ATXN7L1: variants seen among roughly 807,000 people sequenced by gnomAD.
ATXN7L1 encodes the protein ataxin-7-like protein 1.
A neutral mutation model predicts 70.8 loss-of-function variants in ATXN7L1; 15 were observed. That is an observed-to-expected ratio of 0.21 (90% CI 0.14 to 0.33). The LOEUF (loss-of-function observed/expected upper bound fraction) is 0.33, where lower values mean the gene tolerates loss of function less well. Ranked by LOEUF, ATXN7L1 falls within the 10% of genes least tolerant of loss-of-function variation. ATXN7L1 has a pLI of 1.00. For missense variants in ATXN7L1, 975 were observed against 1,097.1 expected (o/e 0.89, Z 1.57); for synonymous variants, 440 against 445.1 (o/e 0.99, Z 0.14).
chr7:105,839,091 C>T (rs530209013), intron 2 of ATXN7L1, among the ~76,000 whole-genome samples: 2 of 152,346 alleles, frequency 1.3e-5, no homozygotes, highest in African/African-American at 4.8e-5. Context: ...ATCAAACTAG[C>T]CAGCAGCATC....
At chr7:105,725,557 T>C (rs933565182) in intron 3 of ATXN7L1, among the ~76,000 whole-genome samples, 1 of 151,850 alleles carries the variant, frequency 6.6e-6, no homozygotes, top group African/African-American at 2.4e-5. Flanking sequence ...AGCACATACA[T>C]TGCGAGCAAC....
Position 105,876,545 on chromosome 7 carries a change from C to T in ATXN7L1, c.14G>A (p.Arg5His), listed in dbSNP as rs1819337078. The change falls in exon 1 of 12, where the codon CGT (arginine) becomes CAT (histidine). Residue 5 changes from arginine (R) to histidine (H), a missense_variant. Arg to His is a conservative substitution (Grantham distance 29). Coordinates refer to ENST00000419735, the MANE Select transcript of ATXN7L1 (RefSeq NM_020725.2). Reference protein sequence around the residue: MTSERSRIPCLSAAA... With the variant: MTSEHSRIPCLSAAA... The stretch of plus-strand genomic sequence containing the variant: ...AGCCGAGAGACACGGGATTCGAGAA[C>T]GCTCCGACGTCATCTTCGGAACGTT... 6.4e-7 allele frequency: 1 copy of T among 1,552,424 alleles called. No homozygotes were observed. Among genetic ancestry groups the T allele is most frequent in the Non-Finnish European group, 8.8e-7 (1 of 1,140,594 alleles).
chr7:105,760,116 T>G, intron 3 of ATXN7L1: 1 of 869,696 alleles, frequency 1.1e-6, no homozygotes, highest in Non-Finnish European at 1.4e-6. Flanking sequence ...ATGCTTTCCA[T>G]ATGCCAAGTT....
intron 3 of ATXN7L1, among the ~76,000 whole-genome samples, chr7:105,681,295 G>A (rs1805519153): frequency 6.6e-6 from 1 of 152,038 alleles, no homozygotes; most frequent in Admixed American, 6.6e-5. Flanking sequence ...TGTGGTGGTG[G>A]GCACTAATGA....
chr7:105,862,242 C>A (rs879442060), intron 2 of ATXN7L1, among the ~76,000 whole-genome samples: 1 of 151,976 alleles, frequency 6.6e-6, no homozygotes, highest in Non-Finnish European at 1.5e-5. Context: ...CGAGACCAGC[C>A]TAGGCAACAT....
At chr7:105,689,283 A>G (rs1179953381) in intron 3 of ATXN7L1, among the ~76,000 whole-genome samples, 1 of 152,152 alleles carries the variant, frequency 6.6e-6, no homozygotes, top group African/African-American at 2.4e-5. Context: ...GAAGAATCAA[A>G]GTGAGGAAGG....
rs981267127 is a variant in ATXN7L1, at chr7:105,760,101, C to T, written c.355+28503G>A. On this transcript the variant is annotated intron_variant, in intron 3 of 11. Transcript: ENST00000419735. The stretch of plus-strand genomic sequence containing the variant: ...GGGAAGTCTCTCCTTTTTCTGGCTT[C>T]CATCATGCTTTCCATATGCCAAGTT... 7.6e-6 allele frequency: 6 copies of T among 786,424 alleles called. No individual in the cohort carries two copies. The African/African-American group carries it at 1.1e-4, about 15-fold the overall frequency. 48.7% of individuals were successfully genotyped at this position (786,424 alleles called of 1,614,324 possible). A position where few individuals can be genotyped will look rare whatever the true frequency, so the allele number is the denominator to read the frequency against.
At chr7:105,844,239 C>G (rs1813641370) in intron 2 of ATXN7L1, among the ~76,000 whole-genome samples, 1 of 152,176 alleles carries the variant, frequency 6.6e-6, no homozygotes, top group Admixed American at 6.5e-5. Context: ...ACAAGGAACA[C>G]TCTCCAACTC....
chr7:105,725,903 CTTTT>C (rs34850752), intron 3 of ATXN7L1, among the ~76,000 whole-genome samples: 4 of 130,718 alleles, frequency 3.1e-5, no homozygotes, highest in Admixed American at 1.5e-4. Flanking sequence ...TTCTTTCTTT[CTTTT>C]TTTTTTTTTT....
intron 2 of ATXN7L1, among the ~76,000 whole-genome samples, chr7:105,824,726 C>T (rs999634171): frequency 2.6e-5 from 4 of 151,892 alleles, no homozygotes; most frequent in Non-Finnish European, 5.9e-5. Context: ...CAAACCACCA[C>T]CAGTAAAAGA....
intron 3 of ATXN7L1, among the ~76,000 whole-genome samples, chr7:105,750,247 T>C (rs1379938236): frequency 1.3e-5 from 2 of 151,608 alleles, no homozygotes; most frequent in African/African-American, 2.4e-5. Context: ...AGCAGTTAAA[T>C]ATGATGGATA....
At chr7:105,691,796 CCGA>C (rs1460197830) in intron 3 of ATXN7L1, among the ~76,000 whole-genome samples, 2 of 152,122 alleles carry the variant, frequency 1.3e-5, no homozygotes, top group Admixed American at 6.5e-5. Context: ...GGTGCACAGC[CCGA>C]CGGCTGACCA....
intron 3 of ATXN7L1, among the ~76,000 whole-genome samples, chr7:105,733,569 TC>T (rs1201546023): frequency 1.7e-5 from 1 of 59,110 alleles, no homozygotes; most frequent in Non-Finnish European, 3.4e-5. Flanking sequence ...CATCCATCCT[TC>T]CATCCATCCA....
chr7:105,640,545 A>G (rs985244122), intron 5 of ATXN7L1, among the ~76,000 whole-genome samples: 1 of 151,930 alleles, frequency 6.6e-6, no homozygotes, highest in Non-Finnish European at 1.5e-5. Context: ...TTTCATTTTT[A>G]TTTTTTGAGA....
chr7:105,612,488 C>G (rs1445924642), intron 10 of ATXN7L1, among the ~76,000 whole-genome samples: 1 of 143,956 alleles, frequency 6.9e-6, no homozygotes, highest in East Asian at 1.9e-4. Flanking sequence ...TGTTCACAAG[C>G]CCCCCGGGGG....
chr7:105,705,680 G>T (rs1793070102), intron 3 of ATXN7L1, among the ~76,000 whole-genome samples: 1 of 152,184 alleles, frequency 6.6e-6, no homozygotes, highest in Non-Finnish European at 1.5e-5. Flanking sequence ...CGCCTCTGTG[G>T]CTTGGTGCAC....
At chr7:105,610,344 A>G (rs879676822) in intron 11 of ATXN7L1, among the ~76,000 whole-genome samples, 185 bp downstream of exon 11, 2 of 152,232 alleles carry the variant, frequency 1.3e-5, no homozygotes, top group Non-Finnish European at 2.9e-5. Context: ...ATGGAAGCAC[A>G]GAGAAGTTAA....
At chr7:105,871,071 T>A (rs1358696047) in intron 2 of ATXN7L1, among the ~76,000 whole-genome samples, 1 of 147,128 alleles carries the variant, frequency 6.8e-6, no homozygotes. Flanking sequence ...ATATTTTTAA[T>A]GTGAGGGCTT....
At chr7:105,860,148 C>CAT (rs60831105) in intron 2 of ATXN7L1, among the ~76,000 whole-genome samples, 1,855 of 79,932 alleles carry the variant, frequency 0.023, 47 homozygotes, top group Non-Finnish European at 0.025. Flanking sequence ...TATATATATA[C>CAT]ATATATATAT....
Sources: allele counts gnomAD v4.1 joint callset (sites outside exome capture counted in the v4.1 genomes callset), GRCh38; gene constraint gnomAD v4.1.1; transcripts MANE v1.5; gene names NCBI Gene and HGNC (gene_info 2026-07-23, HGNC 2026-07-21).